PCDHGA8: variants seen among roughly 807,000 people sequenced by gnomAD.
The protein encoded by PCDHGA8 is protocadherin gamma subfamily A, 8.
A neutral mutation model predicts 59.2 loss-of-function variants in PCDHGA8; 45 were observed. That is an observed-to-expected ratio of 0.76 (90% CI 0.60 to 0.98). The LOEUF (loss-of-function observed/expected upper bound fraction) is 0.98. Ranked by LOEUF, PCDHGA8 falls within the 50% of genes least tolerant of loss-of-function variation. The probability of loss-of-function intolerance (pLI) is 0.00; values close to 1 mark genes in which losing one functional copy is unlikely to be tolerated. For synonymous variants in PCDHGA8, 531 were observed against 519.0 expected (o/e 1.02, Z -0.32); for missense variants, 1,257 against 1,196.2 (o/e 1.05, Z -0.75).
intron 3 of PCDHGA8, among the ~76,000 whole-genome samples, chr5:141,506,948 G>A (rs949082646): frequency 6.6e-6 from 1 of 152,162 alleles, no homozygotes; most frequent in Non-Finnish European, 1.5e-5. Flanking sequence ...TCCTGTCAAT[G>A]AATCCTCTCA....
At chr5:141,420,215 A>G in intron 1 of PCDHGA8, 2 of 1,612,096 alleles carry the variant, frequency 1.2e-6, no homozygotes, top group South Asian at 1.1e-5. Context: ...CAAAGATAGC[A>G]TGCTACTGGC....
At chr5:141,400,903 T>C (rs1489476752) in intron 1 of PCDHGA8, among the ~76,000 whole-genome samples, 1 of 152,258 alleles carries the variant, frequency 6.6e-6, no homozygotes, top group Non-Finnish European at 1.5e-5. Flanking sequence ...TTAATTCATC[T>C]TTTAAAGCAA....
At position 141,489,760 on chromosome 5, in the gene PCDHGA8, C is replaced by A; in HGVS notation, c.2425-5047C>A. 1 of 1,614,086 alleles carries A rather than the reference C, an allele frequency of 6.2e-7. No individual in the cohort carries two copies. Among genetic ancestry groups the A allele is most frequent in the Non-Finnish European group, 8.5e-7 (1 of 1,179,970 alleles). On this transcript the variant is annotated intron_variant, in intron 1 of 3. Coordinates refer to ENST00000398604, the MANE Select transcript of PCDHGA8 (RefSeq NM_032088.2). This position sits in a 1 kb window ranked among gnomAD's most constrained non-coding sequence, Gnocchi z 4.5. ...TACTGTGAGCTTTTACACTCTAAGC[C>A]CCAACAGCCACTTCTCTCTGAATGT...
rs1330463387 is a variant in PCDHGA8 at position 141,393,177 on chromosome 5, G to A, written c.364G>A (p.Glu122Lys). 1 of 1,613,292 alleles carries A rather than the reference G, an allele frequency of 6.2e-7. No individual in the cohort carries two copies. Among genetic ancestry groups the A allele is most frequent in the South Asian group, 1.1e-5 (1 of 91,086 alleles). ...AGGAAAACTCTTTGGGGTAGAAATA[G>A]AAATAATTGATATTAACGATAATAA... ...DKGKLFGVEI[E>K]IIDINDNNPK... is the part of the protein sequence containing the mutation. The change falls in exon 1 of 4, where the codon GAA (glutamate) becomes AAA (lysine). Residue 122 changes from glutamate (E) to lysine (K), a missense_variant. By Grantham distance (56) the Glu-to-Lys change is moderately conservative (BLOSUM62 1). Transcript: ENST00000398604.
At chr5:141,439,947 T>C (rs2098140958) in intron 1 of PCDHGA8, 1 of 152,516 alleles carries the variant, frequency 6.6e-6, no homozygotes, top group Non-Finnish European at 1.5e-5. Flanking sequence ...TTCTCTATGA[T>C]GCAGATCCGT....
chr5:141,484,333 A>T (rs1019527273), intron 1 of PCDHGA8, among the ~76,000 whole-genome samples: 2 of 152,198 alleles, frequency 1.3e-5, no homozygotes, highest in Non-Finnish European at 2.9e-5. Flanking sequence ...CCTTGAAATC[A>T]ATGAATGGTA....
intron 1 of PCDHGA8, chr5:141,410,045 G>A (rs962300160): frequency 1.9e-6 from 3 of 1,613,048 alleles, no homozygotes; most frequent in African/African-American, 1.3e-5. Context: ...CAGTGAGCCC[G>A]GACTCTTCAG....
intron 3 of PCDHGA8, 56 bp from the exon 4 acceptor site, chr5:141,510,891 G>A (rs945706652): frequency 8.7e-6 from 14 of 1,612,762 alleles, no homozygotes; most frequent in Middle Eastern, 1.6e-4. Flanking sequence ...ATATAAGACA[G>A]TGACTGTTGA....
intron 3 of PCDHGA8, among the ~76,000 whole-genome samples, chr5:141,507,777 CT>C (rs1213538221): frequency 6.6e-6 from 1 of 152,220 alleles, no homozygotes; most frequent in Admixed American, 6.5e-5. Context: ...CACACAGGGC[CT>C]GACCCTCGTC....
chr5:141,421,328 A>G (rs1355932974), intron 1 of PCDHGA8: 1 of 1,613,902 alleles, frequency 6.2e-7, no homozygotes. Flanking sequence ...CAGATCCGAT[A>G]TTCGGTGCCA....
At chr5:141,414,167 A>T (rs2095716553) in intron 1 of PCDHGA8, 3 of 1,605,526 alleles carry the variant, frequency 1.9e-6, no homozygotes, top group Non-Finnish European at 2.6e-6. Flanking sequence ...GGAGGAGCAT[A>T]TCTTGCAACT....
chr5:141,472,579 G>T (rs1172183592), intron 1 of PCDHGA8, among the ~76,000 whole-genome samples: 3 of 151,928 alleles, frequency 2.0e-5, no homozygotes, highest in Non-Finnish European at 4.4e-5. Context: ...GCATCTCATT[G>T]GTCAGAAGCT....
intron 1 of PCDHGA8, chr5:141,441,116 C>G (rs1358636787): frequency 3.3e-5 from 5 of 152,156 alleles, no homozygotes; most frequent in Non-Finnish European, 7.3e-5. Context: ...GTCCAGTGTA[C>G]AGTTGAGACC....
At chr5:141,452,281 T>G (rs948141174) in intron 1 of PCDHGA8, among the ~76,000 whole-genome samples, 2 of 152,232 alleles carry the variant, frequency 1.3e-5, no homozygotes, top group Non-Finnish European at 2.9e-5. Flanking sequence ...CCTTTCTTAC[T>G]TTCTGATATA....
At chr5:141,509,096 T>C (rs1364889034) in intron 3 of PCDHGA8, among the ~76,000 whole-genome samples, 1 of 152,124 alleles carries the variant, frequency 6.6e-6, no homozygotes, top group African/African-American at 2.4e-5. Context: ...ATGGGGGCTG[T>C]AGAAACCTGA....
intron 1 of PCDHGA8, among the ~76,000 whole-genome samples, chr5:141,450,829 A>ATTTT (rs373424450): frequency 2.2e-4 from 30 of 135,142 alleles, no homozygotes; most frequent in African/African-American, 6.3e-4. Flanking sequence ...TATTATTATT[A>ATTTT]TTTTTTTTTT....
At position 141,485,789 on chromosome 5, in the gene PCDHGA8, T is replaced by G. The variant is rs1276069810; in HGVS notation, c.2425-9018T>G. The G allele has an allele frequency of 1.2e-6, 2 of 1,613,978 alleles. No individual in the cohort carries two copies. The highest frequency in any genetic ancestry group is 1.7e-6 in the Non-Finnish European group (2 of 1,180,030). On this transcript the variant is annotated intron_variant, in intron 1 of 3. Coordinates refer to ENST00000398604, the MANE Select transcript of PCDHGA8 (RefSeq NM_032088.2). This position sits in a 1 kb window ranked among gnomAD's most constrained non-coding sequence, Gnocchi z 5.7. ...GAAGCCTTTGGATCGAGAGAAGCAATCGGACTACCGCCTGGTGCTGACTGC... is the reference window on the plus strand; with the variant it reads ...GAAGCCTTTGGATCGAGAGAAGCAAGCGGACTACCGCCTGGTGCTGACTGC...
chr5:141,458,404 G>A lies in PCDHGA8; in HGVS notation c.2425-36403G>A, dbSNP rs183963289. Among the ~76,000 whole-genome samples the A allele has an allele frequency of 4.6e-5, 7 of 152,218 alleles. No homozygotes were observed. The East Asian group carries it at 5.8e-4, about 13-fold the overall frequency. ...GGAAGACGCTCCCCCTTGCAGAGAC[G>A]GAGCGGGGGTTCCAAAGCTGAAAGA... On this transcript the variant is annotated intron_variant, in intron 1 of 3. Transcript: ENST00000398604.
chr5:141,470,671 C>T (rs2099236433), intron 1 of PCDHGA8, among the ~76,000 whole-genome samples: 1 of 152,064 alleles, frequency 6.6e-6, no homozygotes, highest in African/African-American at 2.4e-5. Context: ...TAGGGCTCTG[C>T]TGTTACCATC....
Sources: allele counts gnomAD v4.1 joint callset (sites outside exome capture counted in the v4.1 genomes callset), GRCh38; gene constraint gnomAD v4.1.1; non-coding constraint Gnocchi (gnomAD v3.1); transcripts MANE v1.5; gene names NCBI Gene and HGNC (gene_info 2026-07-23, HGNC 2026-07-21).